TENM2: variants seen among roughly 807,000 people sequenced by gnomAD.
TENM2 encodes the protein teneurin transmembrane protein 2.
Under a neutral mutation model 245.2 loss-of-function variants are expected in TENM2, and 52 were observed. The observed-to-expected ratio is 0.21, with a 90% CI of 0.17 to 0.27. The LOEUF (loss-of-function observed/expected upper bound fraction) is 0.27, where lower values mean the gene tolerates loss of function less well. TENM2 is among the 10% of genes least tolerant of loss of function. The pLI, the probability that TENM2 is intolerant of heterozygous loss-of-function variation, is 1.00. For synonymous variants in TENM2, 1,363 were observed against 1,438.9 expected, an observed-to-expected ratio of 0.95 and a Z score of 1.19; for missense variants, 3,046 against 3,666.8, an observed-to-expected ratio of 0.83 and a Z score of 4.37.
intron 2 of TENM2, among the ~76,000 whole-genome samples, chr5:167,585,452 C>A (rs2127693195): frequency 6.6e-6 from 1 of 152,258 alleles, no homozygotes; most frequent in Admixed American, 6.5e-5. Context: ...GAATATCAGG[C>A]ATTTTGCTAG....
chr5:167,936,052 A>G (rs897737274), intron 3 of TENM2, among the ~76,000 whole-genome samples: 4 of 152,186 alleles, frequency 2.6e-5, no homozygotes, highest in Admixed American at 2.6e-4. Flanking sequence ...CTACTATTGG[A>G]AATTTCCTAA....
intron 2 of TENM2, among the ~76,000 whole-genome samples, chr5:167,841,549 G>A (rs146062920): frequency 2.5e-4 from 38 of 152,226 alleles, no homozygotes; most frequent in Middle Eastern, 3.4e-3. Flanking sequence ...CTAATTAAGG[G>A]TGAGATCCCC....
chr5:168,181,231 T>C (rs1268557478), intron 13 of TENM2, among the ~76,000 whole-genome samples: 2 of 152,244 alleles, frequency 1.3e-5, no homozygotes, highest in Non-Finnish European at 2.9e-5. Flanking sequence ...ATGGCATTTG[T>C]TTTTGGTTTT....
At chr5:167,802,068 T>C (rs756230566) in intron 2 of TENM2, among the ~76,000 whole-genome samples, 3 of 152,164 alleles carry the variant, frequency 2.0e-5, no homozygotes, top group Non-Finnish European at 4.4e-5. Context: ...CCTCACGTGG[T>C]GGAAGACCTG....
At chr5:167,479,344 G>A (rs1483196180) in intron 2 of TENM2, among the ~76,000 whole-genome samples, 1 of 152,096 alleles carries the variant, frequency 6.6e-6, no homozygotes, top group Non-Finnish European at 1.5e-5. Context: ...TTATATAAAA[G>A]TGAAAGATTT....
chr5:167,991,954 A>C (rs563579402), intron 4 of TENM2, among the ~76,000 whole-genome samples: 1 of 152,350 alleles, frequency 6.6e-6, no homozygotes, highest in South Asian at 2.1e-4. Context: ...AATGGAATGA[A>C]ATAATGGCTT....
chr5:167,081,178 A>G, the TENM2 span, among the ~76,000 whole-genome samples: 2 of 151,962 alleles, frequency 1.3e-5, no homozygotes, highest in African/African-American at 4.8e-5. Flanking sequence ...TATTATGGAC[A>G]GCCAACATAA....
intron 5 of TENM2, among the ~76,000 whole-genome samples, chr5:168,032,862 GTGTAAC>G (rs1473797719): frequency 2.0e-5 from 3 of 152,098 alleles, no homozygotes; most frequent in African/African-American, 7.2e-5. Flanking sequence ...TAGAGGTTAG[GTGTAAC>G]TGAGCAGAGA....
At chr5:167,907,201 C>T (rs1776154668) in intron 3 of TENM2, among the ~76,000 whole-genome samples, 1 of 151,672 alleles carries the variant, frequency 6.6e-6, no homozygotes, top group African/African-American at 2.4e-5. Flanking sequence ...CGTTGCACTC[C>T]AGCCTGTGCA....
At chr5:167,234,451 C>G in the TENM2 span, among the ~76,000 whole-genome samples, 1 of 152,274 alleles carries the variant, frequency 6.6e-6, no homozygotes, top group Non-Finnish European at 1.5e-5. Context: ...CCAGACTATG[C>G]TTTGTTTCAT....
intron 2 of TENM2, among the ~76,000 whole-genome samples, chr5:167,536,909 A>G (rs970805497): frequency 2.0e-5 from 3 of 152,048 alleles, no homozygotes; most frequent in Admixed American, 2.0e-4. Context: ...CTGTAATCCC[A>G]GCTACTTGGG....
intron 5 of TENM2, among the ~76,000 whole-genome samples, chr5:168,046,049 G>A (rs1313271691): frequency 6.6e-6 from 1 of 152,176 alleles, no homozygotes; most frequent in East Asian, 1.9e-4. Context: ...GTTCTAAGAT[G>A]GAGAAGAGTG....
chr5:167,720,869 A>C (rs10057680), intron 2 of TENM2, among the ~76,000 whole-genome samples: 1 of 152,066 alleles, frequency 6.6e-6, no homozygotes, highest in Non-Finnish European at 1.5e-5. Context: ...TACTACTTGA[A>C]TGTAAAATGT....
intron 25 of TENM2, among the ~76,000 whole-genome samples, chr5:168,238,436 C>T (rs1341194799): frequency 6.6e-6 from 1 of 152,130 alleles, no homozygotes; most frequent in African/African-American, 2.4e-5. Flanking sequence ...GGGAGACTCT[C>T]GTGACCCCCC....
At chr5:167,061,212 T>G in the TENM2 span, among the ~76,000 whole-genome samples, 1,404 of 152,254 alleles carry the variant, frequency 9.2e-3, 19 homozygotes, top group African/African-American at 0.031. Flanking sequence ...ATCTTCTGCT[T>G]CTTCTTGAAT....
chr5:168,034,107 A>ACATATG (rs1337781475), intron 5 of TENM2, among the ~76,000 whole-genome samples: 149 of 126,910 alleles, frequency 1.2e-3, no homozygotes, highest in African/African-American at 5.8e-3. Flanking sequence ...ATATATATGT[A>ACATATG]TACATATATA....
intron 26 of TENM2, among the ~76,000 whole-genome samples, chr5:168,246,103 C>T (rs967772495): frequency 3.3e-5 from 5 of 151,998 alleles, no homozygotes; most frequent in African/African-American, 7.3e-5. Flanking sequence ...CGTGGTGGTG[C>T]ATGCCTGTAA....
chr5:168,047,398 A>G (rs1465304557), intron 5 of TENM2, 29 bp from the exon 8 acceptor site: 1 of 1,551,642 alleles, frequency 6.4e-7, no homozygotes, highest in African/African-American at 1.4e-5. Flanking sequence ...TTATCTATTC[A>G]TATTTTCATT....
chr5:167,070,348 C>G, the TENM2 span, among the ~76,000 whole-genome samples: 1 of 136,276 alleles, frequency 7.3e-6, no homozygotes, highest in Non-Finnish European at 1.5e-5. Context: ...CCAGGATGGT[C>G]TCGGTCTCCT....
Sources: gnomAD v4.1 joint callset for allele counts (sites outside exome capture counted in the v4.1 genomes callset) on GRCh38, gnomAD v4.1.1 for gene constraint, MANE v1.5 for transcripts, NCBI Gene and HGNC (gene_info 2026-07-23, HGNC 2026-07-21) for gene names.